MAP4: variants seen among roughly 807,000 people sequenced by gnomAD.
MAP4 encodes microtubule associated protein 4, also known as microtubule-associated protein 4.
A neutral mutation model predicts 170.2 loss-of-function variants in MAP4; 76 were observed. The ratio of observed to expected loss-of-function variants is 0.45; its 90% CI spans 0.37 to 0.54. The LOEUF is 0.54. MAP4 is among the 20% of genes least tolerant of loss of function. The pLI, the probability that MAP4 is intolerant of heterozygous loss-of-function variation, is 0.00. For synonymous variants in MAP4, 909 were observed against 994.5 expected (o/e 0.91, Z 1.62); for missense variants, 2,506 against 2,748.0 (o/e 0.91, Z 1.97).
At chr3:48,057,637 GA>G (rs1176640431) in intron 1 of MAP4, among the ~76,000 whole-genome samples, 14 of 107,666 alleles carry the variant, frequency 1.3e-4, no homozygotes, top group Non-Finnish European at 2.3e-4. Context: ...AAATAAAAAA[GA>G]AAAAAAAGAA....
Position 47,910,141 on chromosome 3 carries a change from T to C in MAP4, c.4280A>G (p.Asn1427Ser). 1 of 1,614,024 alleles carries C rather than the reference T, an allele frequency of 6.2e-7. No homozygotes were observed. Among genetic ancestry groups the C allele is most frequent in the South Asian group, 1.1e-5 (1 of 91,086 alleles). Reference sequence around the variant, plus strand: ...CAGAACCTCTAGAGGAGATGATTTATTTATCAGCTCTGATGGTGTTCTGGG... The same window carrying C: ...CAGAACCTCTAGAGGAGATGATTTACTTATCAGCTCTGATGGTGTTCTGGG... The part of the protein sequence containing the change: ...TCPRTPSELI[N>S]KSSPLEVLES... The change falls in exon 9 of 21, where the codon AAT becomes AGT. Residue 1427 changes from asparagine (N) to serine (S), a missense_variant. Around this residue, in one of 3 missense-constraint regions of MAP4, gnomAD observed 2,008 missense variants for 2,206.0 expected, o/e 0.91. Transcript: ENST00000683076.
chr3:48,035,943 C>A (rs528438488), intron 1 of MAP4, among the ~76,000 whole-genome samples: 1 of 151,760 alleles, frequency 6.6e-6, no homozygotes, highest in Non-Finnish European at 1.5e-5. Context: ...CCATCCCCCC[C>A]TCTCAAAAAA....
At chr3:48,048,807 T>C (rs535813998) in intron 1 of MAP4, among the ~76,000 whole-genome samples, 1 of 152,192 alleles carries the variant, frequency 6.6e-6, no homozygotes, top group Non-Finnish European at 1.5e-5. Flanking sequence ...ACTATTTTTT[T>C]TAACCTGCAT....
chr3:48,002,355 A>T (rs897123268), intron 1 of MAP4, among the ~76,000 whole-genome samples: 5 of 152,040 alleles, frequency 3.3e-5, no homozygotes, highest in African/African-American at 1.2e-4. Context: ...GAGACTAGGA[A>T]TTCAAGACCA....
At position 47,889,962 on chromosome 3, in the gene MAP4, A is replaced by G. The variant is rs2098282553; in HGVS notation, c.5435-12439T>C. ...AAAAAAAAAAACCCAAAACATCTGT[A>G]TGTCTTCTACTTACCACTCCCCTAG... On this transcript the variant is annotated intron_variant, in intron 10 of 20. Coordinates refer to ENST00000683076, the MANE Select transcript of MAP4 (RefSeq NM_001385682.1). Among the ~76,000 whole-genome samples, 3 of 151,662 alleles carry G rather than the reference A, an allele frequency of 2.0e-5. No individual in the cohort carries two copies. The South Asian group carries it at 6.2e-4, about 31-fold the overall frequency.
intron 9 of MAP4, among the ~76,000 whole-genome samples, chr3:47,906,515 C>A (rs2100033120): frequency 6.6e-6 from 1 of 151,878 alleles, no homozygotes; most frequent in African/African-American, 2.4e-5. Context: ...GAAACCCCGT[C>A]TCTATTAAAA....
chr3:48,069,523 A>G (rs2100139963), intron 1 of MAP4, among the ~76,000 whole-genome samples: 1 of 152,214 alleles, frequency 6.6e-6, no homozygotes, highest in Non-Finnish European at 1.5e-5. Flanking sequence ...TAATTTGGGC[A>G]AGTCTACCTT....
intron 4 of MAP4, among the ~76,000 whole-genome samples, chr3:47,922,268 T>G (rs943808313): frequency 2.0e-5 from 3 of 152,110 alleles, no homozygotes; most frequent in Admixed American, 6.6e-5. Flanking sequence ...TATTATCCTA[T>G]GATGAATATA....
At chr3:48,038,459 C>CTTTTTT (rs397989482) in intron 1 of MAP4, among the ~76,000 whole-genome samples, 5 of 121,958 alleles carry the variant, frequency 4.1e-5, no homozygotes, top group Non-Finnish European at 4.9e-5. Context: ...TGCACTGAAA[C>CTTTTTT]TTTTTTTTTT....
intron 3 of MAP4, among the ~76,000 whole-genome samples, chr3:47,936,074 A>G (rs563717506): frequency 3.9e-5 from 6 of 152,096 alleles, no homozygotes; most frequent in African/African-American, 1.4e-4. Flanking sequence ...GAATGAAGCC[A>G]AAGAAGGTGT....
rs771619708 is a variant in MAP4 at position 47,911,463 on chromosome 3, T to C, written c.2958A>G (p.Leu986=). The C allele has an allele frequency of 7.5e-5, 115 of 1,536,098 alleles. 2 individuals carry two copies. The South Asian group carries it at 1.3e-3, about 17-fold the overall frequency. Residue 986 remains leucine (L), a synonymous_variant, in exon 9 of 21, where the codon CTA becomes CTG. Transcript: ENST00000683076. The surrounding 1 kb of genome is among the most constrained non-coding windows in gnomAD (Gnocchi z 4.0). ...LIASNPLECN[L]KEGNNESKMT... ...TTTTACTTTCATTATTCCCTTCTTT[T>C]AGATTACATTCTAATGGATTACTTG...
intron 3 of MAP4, among the ~76,000 whole-genome samples, chr3:47,935,920 C>T (rs1389581152): frequency 2.2e-5 from 3 of 134,982 alleles, no homozygotes; most frequent in East Asian, 4.2e-4. Context: ...GCTGCAGTGA[C>T]GTAGTGAGAC....
intron 2 of MAP4, among the ~76,000 whole-genome samples, chr3:47,987,012 T>A (rs1294501615): frequency 6.6e-6 from 1 of 152,204 alleles, no homozygotes; most frequent in Admixed American, 6.5e-5. Flanking sequence ...ACATCTATCA[T>A]GTGCCAAGAG....
chr3:47,887,611 G>A (rs2097825323), intron 10 of MAP4, among the ~76,000 whole-genome samples: 1 of 152,252 alleles, frequency 6.6e-6, no homozygotes, highest in Admixed American at 6.5e-5. Flanking sequence ...GCGCAGGACT[G>A]GCAGGCAGCT....
intron 1 of MAP4, among the ~76,000 whole-genome samples, chr3:48,027,728 C>T (rs369324312): frequency 5.5e-4 from 84 of 152,108 alleles, no homozygotes; most frequent in African/African-American, 1.9e-3. Flanking sequence ...GTTCCAGCTA[C>T]TCAGGAGACT....
At position 48,008,401 on chromosome 3, in the gene MAP4, C is replaced by A. The variant is rs560636064; in HGVS notation, c.-20+7933G>T. ...ACTACAACCCCTTTCTAGGACATCC[C>A]TGAAGGACAACAATGAAGGGAAATC... On this transcript the variant is annotated intron_variant, in intron 1 of 20. Coordinates refer to ENST00000683076, the MANE Select transcript of MAP4 (RefSeq NM_001385682.1). Among the ~76,000 whole-genome samples, 29 of 152,332 alleles carry A rather than the reference C, an allele frequency of 1.9e-4. No homozygotes were observed. In the South Asian group the frequency reaches 4.4e-3, roughly 23 times the overall value.
At chr3:47,876,099 A>G (rs907614486) in intron 11 of MAP4, among the ~76,000 whole-genome samples, 199 bp from the exon 12 acceptor site, 3 of 151,694 alleles carry the variant, frequency 2.0e-5, no homozygotes, top group African/African-American at 7.3e-5. Context: ...CAGGATAGAG[A>G]AAGAAAATGG....
intron 1 of MAP4, among the ~76,000 whole-genome samples, chr3:48,059,730 G>C (rs558854606): frequency 6.6e-6 from 1 of 151,936 alleles, no homozygotes; most frequent in South Asian, 2.1e-4. Context: ...TGTAATCCTA[G>C]CACTTTGGGA....
chr3:48,044,805 C>T (rs1358220433), intron 1 of MAP4, among the ~76,000 whole-genome samples: 1 of 151,756 alleles, frequency 6.6e-6, no homozygotes, highest in Admixed American at 6.6e-5. Flanking sequence ...AAATATTACC[C>T]AGGGGTGGTG....
Sources: allele counts gnomAD v4.1 joint callset (sites outside exome capture counted in the v4.1 genomes callset), GRCh38; gene constraint gnomAD v4.1.1; regional missense constraint gnomAD v4.1.1; non-coding constraint Gnocchi (gnomAD v3.1); transcripts MANE v1.5; gene names NCBI Gene and HGNC (gene_info 2026-07-23, HGNC 2026-07-21).